SOX5: variants seen among roughly 807,000 people sequenced by gnomAD.
SOX5 encodes the protein SRY-box transcription factor 5.
A neutral mutation model predicts 92.0 loss-of-function variants in SOX5; 9 were observed. The ratio of observed to expected loss-of-function variants is 0.10; its 90% confidence interval spans 0.06 to 0.17. SOX5 has a LOEUF of 0.17. SOX5 is among the 10% of genes least tolerant of loss of function. The probability of loss-of-function intolerance (pLI) is 1.00; values close to 1 mark genes in which losing one functional copy is unlikely to be tolerated. For missense variants in SOX5, 642 were observed against 944.5 expected (o/e 0.68, Z 4.20); for synonymous variants, 344 against 336.3 (o/e 1.02, Z -0.25).
intron 3 of SOX5, among the ~76,000 whole-genome samples, chr12:23,803,976 T>A (rs1179104859): frequency 6.6e-6 from 1 of 152,222 alleles, no homozygotes; most frequent in Non-Finnish European, 1.5e-5. Context: ...GTTACAGACA[T>A]CTGTTCAGAT....
intron 3 of SOX5, among the ~76,000 whole-genome samples, chr12:23,817,656 A>C (rs1213938335): frequency 2.6e-5 from 4 of 152,242 alleles, no homozygotes; most frequent in Non-Finnish European, 5.9e-5. Context: ...AGTGACATAC[A>C]TAATAAAATG....
At chr12:24,486,840 C>T (rs949160256) in intron 1 of SOX5, among the ~76,000 whole-genome samples, 1 of 152,158 alleles carries the variant, frequency 6.6e-6, no homozygotes, top group Admixed American at 6.6e-5. Context: ...CTTTCTTTCC[C>T]TTGTAATATG....
intron 4 of SOX5, among the ~76,000 whole-genome samples, chr12:23,967,382 AAAGT>A (rs1413340834): frequency 6.6e-6 from 1 of 152,134 alleles, no homozygotes; most frequent in African/African-American, 2.4e-5. Flanking sequence ...GAAAATATAA[AAAGT>A]AACTAAATAT....
intron 1 of SOX5, among the ~76,000 whole-genome samples, chr12:24,412,061 T>C (rs1438414620): frequency 6.6e-6 from 1 of 152,000 alleles, no homozygotes; most frequent in African/African-American, 2.4e-5. Context: ...GTGTGTAGAG[T>C]TGTTTGTAGT....
intron 4 of SOX5, among the ~76,000 whole-genome samples, chr12:24,181,151 A>T (rs905091191): frequency 3.3e-5 from 5 of 152,220 alleles, no homozygotes; most frequent in African/African-American, 1.2e-4. Flanking sequence ...TACTGGTCTC[A>T]ACTATAAGGC....
intron 4 of SOX5, among the ~76,000 whole-genome samples, chr12:24,108,767 A>C (rs1027795948): frequency 1.3e-5 from 2 of 152,164 alleles, no homozygotes; most frequent in African/African-American, 4.8e-5. Flanking sequence ...GTCCTTTATG[A>C]AGAAACAGGC....
intron 4 of SOX5, among the ~76,000 whole-genome samples, chr12:24,040,365 A>G (rs1018752477): frequency 2.0e-5 from 3 of 152,214 alleles, no homozygotes; most frequent in African/African-American, 4.8e-5. Flanking sequence ...AAGATCACAA[A>G]TTTACCACTT....
chr12:24,555,612 T>C (rs2139015271), intron 1 of SOX5, among the ~76,000 whole-genome samples: 1 of 152,286 alleles, frequency 6.6e-6, no homozygotes, highest in East Asian at 1.9e-4. Flanking sequence ...GATGATCTCG[T>C]ATAACCTAAT....
At chr12:23,967,632 A>C (rs1947751921) in intron 4 of SOX5, among the ~76,000 whole-genome samples, 1 of 152,150 alleles carries the variant, frequency 6.6e-6, no homozygotes, top group African/African-American at 2.4e-5. Context: ...AAAACACTAC[A>C]TTTTATCTCT....
At chr12:23,658,072 T>C (rs1223239644) in intron 7 of SOX5, among the ~76,000 whole-genome samples, 3 of 152,176 alleles carry the variant, frequency 2.0e-5, no homozygotes, top group Admixed American at 1.3e-4. Flanking sequence ...TAAATGCTGG[T>C]TACTAATATA....
intron 2 of SOX5, among the ~76,000 whole-genome samples, chr12:24,316,433 C>G (rs1949703314): frequency 6.6e-6 from 1 of 152,192 alleles, no homozygotes; most frequent in African/African-American, 2.4e-5. Flanking sequence ...TCTGAATGAT[C>G]TGCCATGACA....
chr12:23,696,264 T>C (rs1239860498), intron 6 of SOX5, among the ~76,000 whole-genome samples: 1 of 152,068 alleles, frequency 6.6e-6, no homozygotes, highest in East Asian at 1.9e-4. Context: ...TGGAATCTTA[T>C]TGTGGGATGA....
chr12:24,354,355 G>A (rs530951534), intron 2 of SOX5, among the ~76,000 whole-genome samples: 1 of 152,366 alleles, frequency 6.6e-6, no homozygotes, highest in Non-Finnish European at 1.5e-5. Context: ...AAGGAGGCCA[G>A]TGGGTCTGCT....
At chr12:23,676,175 A>C (rs1306082001) in intron 6 of SOX5, among the ~76,000 whole-genome samples, 2 of 152,108 alleles carry the variant, frequency 1.3e-5, no homozygotes, top group Non-Finnish European at 2.9e-5. Flanking sequence ...ATAATTAATA[A>C]AATTATATAC....
chr12:24,003,985 T>A (rs944745611), intron 4 of SOX5, among the ~76,000 whole-genome samples: 1 of 152,046 alleles, frequency 6.6e-6, no homozygotes, highest in African/African-American at 2.4e-5. Context: ...AATCCTACCA[T>A]CAACCCTTAC....
intron 4 of SOX5, among the ~76,000 whole-genome samples, chr12:24,028,605 A>T (rs889134830): frequency 3.3e-5 from 5 of 152,022 alleles, no homozygotes; most frequent in Non-Finnish European, 7.4e-5. Flanking sequence ...TCCCTGGATT[A>T]GTACGGGATG....
rs80128759 is a variant in SOX5 at position 24,359,036 on chromosome 12, C to G, written c.-174+9527G>C. 3.0e-3 allele frequency among the ~76,000 whole-genome samples: 463 copies of G among 152,276 alleles called. 2 individuals are homozygous for G. The highest frequency in any genetic ancestry group is 0.011 in the African/African-American group (444 of 41,544). ...AATTGAGGAATCCAAGTCCACCATG[C>G]TTTGAACCCCAGAAACATTTCTACT... On this transcript the variant is annotated intron_variant, in intron 2 of 4. Coordinates refer to the SOX5 transcript ENST00000446891.
intron 4 of SOX5, among the ~76,000 whole-genome samples, chr12:24,112,769 C>A (rs918188499): frequency 2.6e-5 from 4 of 151,676 alleles, no homozygotes; most frequent in Non-Finnish European, 4.4e-5. Context: ...CTCCTGGGCT[C>A]AAGCAATCTG....
At chr12:24,146,520 C>A (rs1337895403) in intron 4 of SOX5, among the ~76,000 whole-genome samples, 1 of 151,960 alleles carries the variant, frequency 6.6e-6, no homozygotes, top group Non-Finnish European at 1.5e-5. Context: ...AATGTCTATA[C>A]TATTTTTTTA....
Sources: gnomAD v4.1 joint callset for allele counts (sites outside exome capture counted in the v4.1 genomes callset) on GRCh38, gnomAD v4.1.1 for gene constraint, MANE v1.5 for transcripts, NCBI Gene and HGNC (gene_info 2026-07-23, HGNC 2026-07-21) for gene names.